NCAPG2: variants seen among roughly 807,000 people sequenced by gnomAD.
The protein encoded by NCAPG2 is non-SMC condensin II complex subunit G2.
NCAPG2 carries 53 observed loss-of-function variants against 141.1 expected under a neutral mutation model. That is an observed-to-expected ratio of 0.38 (90% CI 0.30 to 0.47). The LOEUF (loss-of-function observed/expected upper bound fraction) is 0.47, where lower values mean the gene tolerates loss of function less well. NCAPG2 is among the 20% of genes least tolerant of loss of function. The pLI is 0.99. For synonymous variants in NCAPG2, 499 were observed against 490.7 expected (o/e 1.02, Z -0.22); for missense variants, 1,087 against 1,389.0 (o/e 0.78, Z 3.46).
intron 8 of NCAPG2, among the ~76,000 whole-genome samples, chr7:158,684,084 CAG>C (rs1156430679): frequency 6.6e-6 from 1 of 152,166 alleles, no homozygotes; most frequent in Non-Finnish European, 1.5e-5. Context: ...TAATACAAAC[CAG>C]AGTCTGCAGA....
chr7:158,641,559 GAAAA>G (rs74999655), intron 27 of NCAPG2: 116 of 483,258 alleles, frequency 2.4e-4, no homozygotes, highest in South Asian at 7.8e-4. Flanking sequence ...TCATATCTTG[GAAAA>G]AAAAAAAAAA....
At position 158,675,496 on chromosome 7, in the gene NCAPG2, A is replaced by C; in HGVS notation, c.1307T>G (p.Val436Gly). 2 of 1,604,786 alleles carry C rather than the reference A, an allele frequency of 1.2e-6. No homozygotes were observed. The highest frequency in any genetic ancestry group is 1.7e-4 in the Middle Eastern group (1 of 6,032). The change falls in exon 12 of 28, where the codon GTT (valine) becomes GGT (glycine). Residue 436 changes from valine to glycine, a missense_variant. Coordinates refer to ENST00000356309, the MANE Select transcript of NCAPG2 (RefSeq NM_017760.7). The part of the protein sequence containing the change: ...ELAFDTSSAD[V>G]RCSVFKCLPM... The stretch of plus-strand genomic sequence containing the variant: ...TCTTACCTTAAAGACAGAACAACGA[A>C]CATCAGCTGAGCTCGTGTCAAATGC...
intron 12 of NCAPG2, 55 bp downstream of exon 12, chr7:158,675,422 T>A (rs1012564029): frequency 1.4e-6 from 2 of 1,420,602 alleles, no homozygotes; most frequent in Non-Finnish European, 1.9e-6. Flanking sequence ...TTTTCCTGTT[T>A]TTCTAATTAT....
intron 17 of NCAPG2, among the ~76,000 whole-genome samples, chr7:158,657,404 T>C (rs1404311900): frequency 2.6e-5 from 4 of 152,188 alleles, no homozygotes; most frequent in African/African-American, 9.7e-5. Flanking sequence ...CTCCAGAACC[T>C]CCCACACCAG....
intron 23 of NCAPG2, among the ~76,000 whole-genome samples, chr7:158,651,264 C>A (rs905518439): frequency 1.3e-5 from 2 of 152,006 alleles, no homozygotes. Flanking sequence ...GGGAGAGAGG[C>A]AAAACATCAA....
chr7:158,652,820 G>A (rs980085332), intron 22 of NCAPG2, among the ~76,000 whole-genome samples: 1 of 152,212 alleles, frequency 6.6e-6, no homozygotes, highest in Non-Finnish European at 1.5e-5. Flanking sequence ...TTAGAGAACA[G>A]TGTTGTTGGT....
In NCAPG2 at chr7:158,664,383, G is replaced by A. The variant is rs1034612862; in HGVS notation, c.1703-87C>T. On this transcript the variant is annotated intron_variant, in intron 14 of 27. Transcript: ENST00000356309. ...GATAGTGAAATTATAATCCCAATTA[G>A]TCAAAAGTACTATTTTAAGGGAAAT... 16 of 1,508,340 alleles carry A rather than the reference G, an allele frequency of 1.1e-5. No homozygotes were observed. The African/African-American group carries it at 1.9e-4, about 18-fold the overall frequency. 93.4% of individuals were successfully genotyped at this position (1,508,340 alleles called of 1,614,324 possible). A position where few individuals can be genotyped will look rare whatever the true frequency, so the allele number is the denominator to read the frequency against.
chr7:158,659,150 T>TG (rs1345500973), intron 16 of NCAPG2, among the ~76,000 whole-genome samples: 2 of 150,814 alleles, frequency 1.3e-5, no homozygotes, highest in Non-Finnish European at 2.9e-5. Flanking sequence ...ATCAACATGG[T>TG]GAAACCCTGT....
chr7:158,655,117 C>T lies in NCAPG2; in HGVS notation c.2646+1G>A. The T allele has an allele frequency of 6.2e-7, 1 of 1,607,416 alleles. No homozygotes were observed. Among genetic ancestry groups the T allele is most frequent in the South Asian group, 1.1e-5 (1 of 90,174 alleles). On this transcript the variant is annotated splice_donor_variant, in intron 21 of 27. Coordinates refer to ENST00000356309, the MANE Select transcript of NCAPG2 (RefSeq NM_017760.7). LOFTEE classifies it high-confidence loss of function. ...GTTTTCTGTGTCTTAAGACTTCTAA[C>T]CTGGATAATTTGCTGATAAATGACC...
chr7:158,646,345 C>T, intron 25 of NCAPG2, 115 bp downstream of exon 25: 1 of 664,754 alleles, frequency 1.5e-6, no homozygotes, highest in Non-Finnish European at 2.5e-6. Context: ...AAACATTTTT[C>T]TCATAGAAAA....
rs1038511594 is a variant in NCAPG2 at position 158,662,078 on chromosome 7, C to G, written c.1989+116G>C. On this transcript the variant is annotated intron_variant, in intron 16 of 27. Coordinates refer to ENST00000356309, the MANE Select transcript of NCAPG2 (RefSeq NM_017760.7). ...AAGGTAAACACTAATCCAACCCTCT[C>G]ATTTTACAGATGAGAACACAGATCC... 37 of 1,016,442 alleles carry G rather than the reference C, an allele frequency of 3.6e-5. No homozygotes were observed. The African/African-American group carries it at 6.3e-4, about 17-fold the overall frequency. 63.0% of individuals were successfully genotyped at this position (1,016,442 alleles called of 1,614,324 possible).
chr7:158,691,084 GGTCTACT>G (rs1835091467), intron 4 of NCAPG2, among the ~76,000 whole-genome samples: 1 of 152,178 alleles, frequency 6.6e-6, no homozygotes, highest in South Asian at 2.1e-4. Flanking sequence ...AGCCAAGACA[GGTCTACT>G]GACCAATCAA....
intron 24 of NCAPG2, among the ~76,000 whole-genome samples, chr7:158,647,987 A>G (rs1831155742): frequency 1.3e-5 from 2 of 152,164 alleles, no homozygotes; most frequent in Non-Finnish European, 1.5e-5. Context: ...CCTGGCCTAG[A>G]CAGCACTTCC....
Position 158,652,431 on chromosome 7 carries a change from T to C in NCAPG2, c.2796A>G (p.Ile932Met). The stretch of plus-strand genomic sequence containing the variant: ...TTTTCTGAATCAAGGAACTTCCAGT[T>C]ATCTCTTTCAGAATGTCAAGAAGTA... ...VSLLLDILKE[I>M]TGSSLIQKTD... is the part of the protein sequence containing the mutation. Residue 932 changes from isoleucine (I) to methionine (M), a missense_variant, in exon 23 of 28, where the codon ATA (isoleucine) becomes ATG (methionine). Physicochemically the swap from Ile to Met is conservative, Grantham distance 10. Coordinates refer to ENST00000356309, the MANE Select transcript of NCAPG2 (RefSeq NM_017760.7). 1 of 1,613,352 alleles carries C rather than the reference T, an allele frequency of 6.2e-7. No individual in the cohort carries two copies. Among genetic ancestry groups the C allele is most frequent in the Non-Finnish European group, 8.5e-7 (1 of 1,179,620 alleles).
chr7:158,655,529 G>A lies in NCAPG2; in HGVS notation c.2389-74C>T, dbSNP rs975142817. 3.2e-6 allele frequency: 4 copies of A among 1,256,216 alleles called. No individual in the cohort carries two copies. The African/African-American group carries it at 6.0e-5, about 19-fold the overall frequency. 77.8% of individuals were successfully genotyped at this position (1,256,216 alleles called of 1,614,324 possible). A position where few individuals can be genotyped will look rare whatever the true frequency, so the allele number is the denominator to read the frequency against. ...CCACACCCCGTACAGCAAGAACAAT[G>A]GGAAGCACCTGATCCTCAGGCGAGC... is the stretch of plus-strand genomic sequence containing the variant. On this transcript the variant is annotated intron_variant, in intron 19 of 27. Transcript: ENST00000356309.
chr7:158,652,551 C>T lies in NCAPG2; in HGVS notation c.2747-71G>A, dbSNP rs1587111104. The T allele has an allele frequency of 3.3e-6, 4 of 1,204,384 alleles. No individual in the cohort carries two copies. The East Asian group carries it at 9.5e-5, about 28-fold the overall frequency. The allele number at this position is 1,204,384 out of a possible 1,614,324, so 74.6% of individuals were successfully genotyped here. On this transcript the variant is annotated intron_variant, in intron 22 of 27. Coordinates refer to ENST00000356309, the MANE Select transcript of NCAPG2 (RefSeq NM_017760.7). ...TGTTGAAATCATTACACATTTCTCA[C>T]TTAACACATGTATAAAATGGTAACA...
intron 11 of NCAPG2, among the ~76,000 whole-genome samples, chr7:158,678,603 C>T (rs1280541173): frequency 6.7e-6 from 1 of 150,112 alleles, no homozygotes; most frequent in Non-Finnish European, 1.5e-5. Flanking sequence ...CTCCTGGGTT[C>T]AAGCGATCCT....
chr7:158,686,594 C>T (rs758856543), intron 7 of NCAPG2, among the ~76,000 whole-genome samples: 7 of 152,172 alleles, frequency 4.6e-5, no homozygotes, highest in African/African-American at 1.4e-4. Context: ...GGACTTTTCA[C>T]GCTACCAATT....
chr7:158,653,819 G>C lies in NCAPG2; in HGVS notation c.2746+776C>G, dbSNP rs1158004657. The stretch of plus-strand genomic sequence containing the variant: ...TTGAGGCTTTTACAGATCTCAGTGA[G>C]AATCAAATGCAGCACTGGGATATTG... On this transcript the variant is annotated intron_variant, in intron 22 of 27. Coordinates refer to ENST00000356309, the MANE Select transcript of NCAPG2 (RefSeq NM_017760.7). Among the ~76,000 whole-genome samples, 4 of 152,206 alleles carry C rather than the reference G, an allele frequency of 2.6e-5. No homozygotes were observed. The East Asian group carries it at 7.7e-4, about 29-fold the overall frequency.
Sources: gnomAD v4.1 joint callset for allele counts (sites outside exome capture counted in the v4.1 genomes callset) on GRCh38, gnomAD v4.1.1 for gene constraint, MANE v1.5 for transcripts, NCBI Gene and HGNC (gene_info 2026-07-23, HGNC 2026-07-21) for gene names.